Variants in ME2 observed in about 807,000 individuals in gnomAD.
ME2 encodes the protein malic enzyme 2, also known as NAD-dependent malic enzyme, mitochondrial.
ME2 carries 60 observed loss-of-function variants against 73.7 expected under a neutral mutation model. The observed-to-expected ratio is 0.81, with a 90% confidence interval of 0.66 to 1.01. ME2 has a LOEUF of 1.01. Ranked by LOEUF, ME2 falls within the 50% of genes least tolerant of loss-of-function variation. The pLI, the probability that ME2 is intolerant of heterozygous loss-of-function variation, is 0.00. For synonymous variants in ME2, 199 were observed against 236.9 expected (o/e 0.84, Z 1.47); for missense variants, 594 against 705.5 (o/e 0.84, Z 1.79).
At chr18:50,919,978 C>A (rs1917380559) in intron 7 of ME2, among the ~76,000 whole-genome samples, 1 of 152,020 alleles carries the variant, frequency 6.6e-6, no homozygotes, top group Non-Finnish European at 1.5e-5. Context: ...TCTTTCAGGG[C>A]CCACCTCCTT....
At chr18:50,938,341 A>T (rs1035978403) in intron 13 of ME2, among the ~76,000 whole-genome samples, 7 of 151,932 alleles carry the variant, frequency 4.6e-5, no homozygotes, top group African/African-American at 7.3e-5. Context: ...ATTTTTTTTT[A>T]AAAGGGATCC....
At chr18:50,932,458 A>G (rs1212007036) in intron 13 of ME2, 98 bp downstream of exon 13, 1 of 811,018 alleles carries the variant, frequency 1.2e-6, no homozygotes, top group Non-Finnish European at 1.9e-6. Flanking sequence ...GAGCAACAGT[A>G]TTACAGAATT....
At chr18:50,922,001 G>A (rs957515222) in intron 10 of ME2, among the ~76,000 whole-genome samples, 28 of 152,190 alleles carry the variant, frequency 1.8e-4, no homozygotes, top group African/African-American at 6.8e-4. Flanking sequence ...ACACAATGCT[G>A]TTATATTTTT....
intron 3 of ME2, among the ~76,000 whole-genome samples, chr18:50,909,985 A>T (rs899932718): frequency 3.9e-5 from 6 of 152,200 alleles, no homozygotes; most frequent in African/African-American, 7.2e-5. Context: ...ATGTTTGAGC[A>T]GAAGTAGTGA....
intron 2 of ME2, among the ~76,000 whole-genome samples, chr18:50,901,807 A>G (rs554528538): frequency 2.0e-5 from 3 of 152,302 alleles, no homozygotes; most frequent in African/African-American, 7.2e-5. Flanking sequence ...ATTTTTATTG[A>G]TGACCCAGTG....
intron 12 of ME2, among the ~76,000 whole-genome samples, chr18:50,929,022 T>G (rs2030646220): frequency 6.6e-6 from 1 of 152,092 alleles, no homozygotes; most frequent in Non-Finnish European, 1.5e-5. Flanking sequence ...ACAAAAATTT[T>G]TAAAAATGTA....
At chr18:50,909,333 T>C (rs1265818591) in intron 3 of ME2, among the ~76,000 whole-genome samples, 1 of 152,158 alleles carries the variant, frequency 6.6e-6, no homozygotes, top group African/African-American at 2.4e-5. Context: ...AACAGACAGT[T>C]ATGCTATGAT....
chr18:50,895,782 G>C, intron 1 of ME2, 27 bp from the exon 2 acceptor site: 1 of 1,434,170 alleles, frequency 7.0e-7, no homozygotes, highest in South Asian at 1.2e-5. Context: ...ATTCTCTTCA[G>C]TGGTTTATTT....
At chr18:50,942,630 G>A (rs1346417587) in intron 15 of ME2, 6 of 266,678 alleles carry the variant, frequency 2.2e-5, no homozygotes, top group Non-Finnish European at 3.5e-5. Context: ...TCTGAATATG[G>A]CATTTTTACT....
intron 1 of ME2, among the ~76,000 whole-genome samples, chr18:50,894,171 T>C (rs755712315): frequency 6.6e-6 from 1 of 152,222 alleles, no homozygotes; most frequent in Non-Finnish European, 1.5e-5. Flanking sequence ...GGTTGATGGA[T>C]GGAAGTGGTA....
At chr18:50,920,164 A>G (rs1917386695) in intron 7 of ME2, among the ~76,000 whole-genome samples, 1 of 152,132 alleles carries the variant, frequency 6.6e-6, no homozygotes, top group African/African-American at 2.4e-5. Context: ...ATATTTTTTG[A>G]GGTTCAGAGT....
At position 50,932,292 on chromosome 18, in the gene ME2, G is replaced by T; in HGVS notation, c.1349G>T (p.Gly450Val). Reference sequence around the variant, plus strand: ...TTGTTTGCCAGTGGCAGTCCATTTGGGCCAGTGAAACTTACAGATGGGCGA... The same window carrying T: ...TTGTTTGCCAGTGGCAGTCCATTTGTGCCAGTGAAACTTACAGATGGGCGA... ...RCLFASGSPF[G>V]PVKLTDGRVF... The change falls in exon 13 of 16, where the codon GGG (glycine) becomes GTG (valine). Residue 450 changes from glycine to valine, a missense_variant. Transcript: ENST00000321341. 6.2e-7 allele frequency: 1 copy of T among 1,611,906 alleles called. No homozygotes were observed. Among genetic ancestry groups the T allele is most frequent in the Non-Finnish European group, 8.5e-7 (1 of 1,178,766 alleles).
intron 2 of ME2, among the ~76,000 whole-genome samples, chr18:50,902,150 G>T (rs145541215): frequency 4.6e-4 from 70 of 152,284 alleles, no homozygotes; most frequent in African/African-American, 1.5e-3. Flanking sequence ...ATTCGAGAAG[G>T]AGTGTTAAAG....
At chr18:50,932,663 C>G (rs1196342183) in intron 13 of ME2, 1 of 198,378 alleles carries the variant, frequency 5.0e-6, no homozygotes, top group Non-Finnish European at 1.0e-5. Flanking sequence ...GGTGTACCTC[C>G]TTAATCATAC....
At chr18:50,913,397 G>T in intron 4 of ME2, 1 of 153,636 alleles carries the variant, frequency 6.5e-6, no homozygotes, top group Non-Finnish European at 1.4e-5. Context: ...GCAGCAGTAT[G>T]ATCTTGGCTC....
At chr18:50,937,359 T>G (rs1973937526) in intron 13 of ME2, among the ~76,000 whole-genome samples, 1 of 152,158 alleles carries the variant, frequency 6.6e-6, no homozygotes, top group South Asian at 2.1e-4. Context: ...ACACCAGACA[T>G]AGTTGAGGAC....
chr18:50,890,229 C>T (rs1279291104), intron 1 of ME2, among the ~76,000 whole-genome samples: 1 of 152,082 alleles, frequency 6.6e-6, no homozygotes, highest in Non-Finnish European at 1.5e-5. Flanking sequence ...TAATACTACA[C>T]AAAAATCTTC....
chr18:50,908,119 T>A lies in ME2; in HGVS notation c.165T>A (p.Pro55=). ...TGCTTGGTCTTCAAGGACTTCTACC[T>A]CCCAAAATAGAGACACAAGATATTC... ...RQMLGLQGLL[P]PKIETQDIQA... is the part of the protein sequence containing the mutation. The change falls in exon 3 of 16, where the codon CCT becomes CCA. Residue 55 remains proline, a synonymous_variant. Transcript: ENST00000321341. The A allele has an allele frequency of 6.2e-7, 1 of 1,604,642 alleles. No individual in the cohort carries two copies. The highest frequency in any genetic ancestry group is 2.2e-5 in the East Asian group (1 of 44,546).
chr18:50,939,513 T>C (rs1917894992), intron 13 of ME2, 57 bp from the exon 14 acceptor site: 4 of 1,216,442 alleles, frequency 3.3e-6, no homozygotes, highest in Non-Finnish European at 4.9e-6. Flanking sequence ...TATAGGAATT[T>C]ACTTCTTTCA....
Sources: allele counts gnomAD v4.1 joint callset (sites outside exome capture counted in the v4.1 genomes callset), GRCh38; gene constraint gnomAD v4.1.1; transcripts MANE v1.5; gene names NCBI Gene and HGNC (gene_info 2026-07-23, HGNC 2026-07-21).